Variants in COL24A1 observed in about 807,000 individuals in gnomAD.
The protein encoded by COL24A1 is collagen type XXIV alpha 1 chain.
COL24A1 carries 224 observed loss-of-function variants against 253.9 expected under a neutral mutation model. The ratio of observed to expected loss-of-function variants is 0.88; its 90% confidence interval spans 0.79 to 0.99. COL24A1 has a LOEUF of 0.99. Ranked by LOEUF, COL24A1 falls within the 50% of genes least tolerant of loss-of-function variation. The probability of loss-of-function intolerance (pLI) is 0.00; values close to 1 mark genes in which losing one functional copy is unlikely to be tolerated. For synonymous variants in COL24A1, 685 were observed against 673.7 expected (o/e 1.02, Z -0.26); for missense variants, 2,131 against 2,068.5 (o/e 1.03, Z -0.59).
At chr1:85,780,926 A>C (rs1669076205) in intron 52 of COL24A1, among the ~76,000 whole-genome samples, 1 of 151,368 alleles carries the variant, frequency 6.6e-6, no homozygotes, top group Non-Finnish European at 1.5e-5. Context: ...CTTCAGAAGA[A>C]GAATTTATTT....
Position 86,048,513 on chromosome 1 carries a change from T to C in COL24A1, c.1905+1611A>G, listed in dbSNP as rs190769294. On this transcript the variant is annotated intron_variant, in intron 11 of 59. Transcript: ENST00000370571. ...GTCTTGATTTTTTTTTTTTTTGAGA[T>C]GGAGTCTTGCTCTGTTGCCCAGGCT... Among the ~76,000 whole-genome samples, 1,245 of 151,240 alleles carry C rather than the reference T, an allele frequency of 8.2e-3. 20 individuals carry two copies. Among genetic ancestry groups the C allele is most frequent in the African/African-American group, 0.028 (1,163 of 41,076 alleles).
At chr1:86,056,277 G>C (rs547966723) in intron 10 of COL24A1, among the ~76,000 whole-genome samples, 4 of 152,206 alleles carry the variant, frequency 2.6e-5, no homozygotes, top group Non-Finnish European at 5.9e-5. Context: ...CAAGAACAAA[G>C]ACAGCATGAG....
chr1:85,810,212 T>C (rs978767658), intron 47 of COL24A1, among the ~76,000 whole-genome samples: 3 of 152,070 alleles, frequency 2.0e-5, no homozygotes, highest in African/African-American at 7.2e-5. Context: ...TATAATATAT[T>C]AGCATGCTAA....
In COL24A1 at chr1:85,757,402, A is replaced by G. The variant is rs186114212; in HGVS notation, c.4437+3994T>C. Among the ~76,000 whole-genome samples the G allele has an allele frequency of 1.8e-3, 273 of 152,304 alleles. 8 individuals are homozygous for G. The South Asian group carries it at 0.05, about 28-fold the overall frequency. ...TGCTCACCAACAAAGGGCAAGATGA[A>G]TAAATCACAGGATATTCTTAGTTGG... On this transcript the variant is annotated intron_variant, in intron 55 of 59. Coordinates refer to ENST00000370571, the MANE Select transcript of COL24A1 (RefSeq NM_152890.7).
intron 7 of COL24A1, among the ~76,000 whole-genome samples, chr1:86,079,803 C>G (rs1023113527): frequency 1.3e-5 from 2 of 152,062 alleles, no homozygotes; most frequent in Non-Finnish European, 2.9e-5. Context: ...AAAGGAGAAT[C>G]CTCATACACT....
intron 7 of COL24A1, among the ~76,000 whole-genome samples, chr1:86,074,495 C>T (rs575641945): frequency 6.6e-6 from 1 of 152,282 alleles, no homozygotes; most frequent in South Asian, 2.1e-4. Flanking sequence ...TAGACTCCCA[C>T]ACCGTAATAG....
At chr1:86,049,808 T>A (rs984199824) in intron 11 of COL24A1, among the ~76,000 whole-genome samples, 1 of 152,118 alleles carries the variant, frequency 6.6e-6, no homozygotes, top group Admixed American at 6.6e-5. Context: ...TTTATACTCT[T>A]GACATATACT....
intron 24 of COL24A1, among the ~76,000 whole-genome samples, chr1:85,934,366 C>T (rs1256468352): frequency 2.0e-5 from 3 of 152,082 alleles, no homozygotes. Context: ...AAATTCTATT[C>T]TTGGCTTGAT....
chr1:85,961,373 T>C lies in COL24A1; in HGVS notation c.2518-80A>G, dbSNP rs567598975. ...TCATGACAGTTTCAATTTTCCTTTTTAATGTAATTATCTAGTCATAACCTA... is the reference window on the plus strand; with the variant it reads ...TCATGACAGTTTCAATTTTCCTTTTCAATGTAATTATCTAGTCATAACCTA... On this transcript the variant is annotated intron_variant, in intron 23 of 59. Coordinates refer to ENST00000370571, the MANE Select transcript of COL24A1 (RefSeq NM_152890.7). 5.7e-4 allele frequency: 645 copies of C among 1,137,224 alleles called. 4 individuals carry two copies. In the Middle Eastern group the frequency reaches 0.014, roughly 24 times the overall value. 70.4% of individuals were successfully genotyped at this position (1,137,224 alleles called of 1,614,324 possible).
At chr1:86,063,578 G>A (rs1701262087) in intron 8 of COL24A1, 137 bp downstream of exon 8, 4 of 460,142 alleles carry the variant, frequency 8.7e-6, no homozygotes, top group Non-Finnish European at 1.6e-5. Flanking sequence ...TCAATTAAAA[G>A]GTTGTCCTGC....
chr1:86,149,307 T>TAATGTGC (rs1652395775), intron 1 of COL24A1, among the ~76,000 whole-genome samples: 1 of 152,228 alleles, frequency 6.6e-6, no homozygotes, highest in Admixed American at 6.5e-5. Context: ...CCACTGATTC[T>TAATGTGC]AATGTGCAAA....
intron 24 of COL24A1, among the ~76,000 whole-genome samples, chr1:85,926,812 A>G (rs1210640947): frequency 6.6e-6 from 1 of 151,812 alleles, no homozygotes; most frequent in Non-Finnish European, 1.5e-5. Context: ...AACTTAAAGT[A>G]TAATAATAAT....
intron 47 of COL24A1, among the ~76,000 whole-genome samples, chr1:85,787,873 C>T (rs1669848708): frequency 6.6e-6 from 1 of 152,136 alleles, no homozygotes; most frequent in African/African-American, 2.4e-5. Context: ...TCCTATTTCT[C>T]TGCAGCCCTG....
intron 20 of COL24A1, among the ~76,000 whole-genome samples, chr1:85,982,310 A>C (rs1693332230): frequency 6.6e-6 from 1 of 152,110 alleles, no homozygotes; most frequent in Non-Finnish European, 1.5e-5. Flanking sequence ...ATAGAATTTC[A>C]GTCATGTAAA....
intron 1 of COL24A1, among the ~76,000 whole-genome samples, chr1:86,148,598 T>G (rs1001585800): frequency 6.7e-6 from 1 of 149,422 alleles, no homozygotes; most frequent in African/African-American, 2.5e-5. Flanking sequence ...GAATATGCAG[T>G]GTTTGGTTTT....
intron 8 of COL24A1, among the ~76,000 whole-genome samples, chr1:86,060,214 T>C (rs1264497318): frequency 2.6e-5 from 4 of 152,148 alleles, no homozygotes; most frequent in African/African-American, 4.8e-5. Context: ...CTCTTTTTCA[T>C]TGATACATCA....
chr1:86,125,906 C>G lies in COL24A1; in HGVS notation c.430G>C (p.Val144Leu). The G allele has an allele frequency of 6.2e-7, 1 of 1,613,188 alleles. No homozygotes were observed. The highest frequency in any genetic ancestry group is 8.5e-7 in the Non-Finnish European group (1 of 1,179,648). ...GCAGGCTGCTTTCCTCTAATGTGTA[C>G]TACTAATTTTTTAGGTAGTAATTGT... Reference protein sequence around the residue: ...GVQLLPKKLVVHIRGKQPAVF... With the variant: ...GVQLLPKKLVLHIRGKQPAVF... The change falls in exon 3 of 60, where the codon GTA (valine) becomes CTA (leucine). Residue 144 changes from valine (V) to leucine (L), a missense_variant. Transcript: ENST00000370571.
chr1:86,141,431 G>A (rs1028073916), intron 2 of COL24A1, among the ~76,000 whole-genome samples: 22 of 152,078 alleles, frequency 1.4e-4, no homozygotes, highest in Non-Finnish European at 2.6e-4. Context: ...TATTGAGAAG[G>A]GATTTGGCTA....
At chr1:85,911,827 A>C (rs1181435482) in intron 24 of COL24A1, among the ~76,000 whole-genome samples, 1 of 152,100 alleles carries the variant, frequency 6.6e-6, no homozygotes, top group Non-Finnish European at 1.5e-5. Flanking sequence ...TCAATACACA[A>C]GCGGACAGAA....
Sources: gnomAD v4.1 joint callset for allele counts (sites outside exome capture counted in the v4.1 genomes callset) on GRCh38, gnomAD v4.1.1 for gene constraint, MANE v1.5 for transcripts, NCBI Gene and HGNC (gene_info 2026-07-23, HGNC 2026-07-21) for gene names.